The following TCEANC2 variants were observed in gnomAD, a reference collection of about 807,000 sequenced individuals.
TCEANC2 encodes transcription elongation factor A N-terminal and central domain-containing protein 2.
TCEANC2 carries 20 observed loss-of-function variants against 22.8 expected under a neutral mutation model. The observed-to-expected ratio is 0.88, with a 90% CI of 0.62 to 1.28. The LOEUF (loss-of-function observed/expected upper bound fraction) is 1.28. Ranked by LOEUF, TCEANC2 falls within the 50% of genes most tolerant of loss-of-function variation. The pLI, the probability that TCEANC2 is intolerant of heterozygous loss-of-function variation, is 0.00. For missense variants in TCEANC2, 251 were observed against 249.7 expected, an observed-to-expected ratio of 1.01 and a Z score of -0.03; for synonymous variants, 84 against 95.5, an observed-to-expected ratio of 0.88 and a Z score of 0.70.
rs115428812 is a variant in TCEANC2 at position 54,077,116 on chromosome 1, T to C, written c.244+8219T>C. Among the ~76,000 whole-genome samples, 316 of 152,166 alleles carry C rather than the reference T, an allele frequency of 2.1e-3. 1 individual carries two copies. Among genetic ancestry groups the C allele is most frequent in the African/African-American group, 7.4e-3 (308 of 41,500 alleles). ...ATGAAATAGCTCCTTAGAGAAACCT[T>C]ATCAGGGAGAACAGGCTGGATTTAG... is the stretch of plus-strand genomic sequence containing the variant. On this transcript the variant is annotated intron_variant, in intron 3 of 4. Coordinates refer to ENST00000234827, the MANE Select transcript of TCEANC2 (RefSeq NM_153035.3).
chr1:54,056,613 C>T (rs1394406809), intron 2 of TCEANC2, among the ~76,000 whole-genome samples: 5 of 152,260 alleles, frequency 3.3e-5, no homozygotes, highest in East Asian at 1.9e-4. Flanking sequence ...GCGTGAGCCA[C>T]GGCACCTGGC....
intron 2 of TCEANC2, among the ~76,000 whole-genome samples, chr1:54,061,414 C>T (rs536638885): frequency 1.3e-5 from 2 of 152,254 alleles, no homozygotes; most frequent in African/African-American, 4.8e-5. Flanking sequence ...ATAGTTTCCT[C>T]TTTTCATGTA....
chr1:54,111,737 G>A (rs1357366555), exon 5 of TCEANC2: 1 of 152,236 alleles, frequency 6.6e-6, no homozygotes, highest in African/African-American at 2.4e-5. Flanking sequence ...ATGGCTCAGA[G>A]AAGTTAAATG....
intron 2 of TCEANC2, among the ~76,000 whole-genome samples, chr1:54,057,734 C>T (rs990720302): frequency 6.6e-6 from 1 of 152,146 alleles, no homozygotes; most frequent in African/African-American, 2.4e-5. Context: ...TTTCTCATTA[C>T]CCATCAATAA....
chr1:54,083,220 G>A (rs553898741), intron 3 of TCEANC2, among the ~76,000 whole-genome samples: 1 of 152,256 alleles, frequency 6.6e-6, no homozygotes, highest in South Asian at 2.1e-4. Flanking sequence ...ATTTGGTCTC[G>A]TGCTCAGTGA....
intron 3 of TCEANC2, among the ~76,000 whole-genome samples, chr1:54,074,930 T>C (rs769163410): frequency 7.9e-5 from 12 of 152,158 alleles, no homozygotes; most frequent in East Asian, 5.8e-4. Flanking sequence ...TTTTTTAAGA[T>C]GGAAAAGGAT....
At chr1:54,069,037 A>ATC (rs1658008934) in intron 3 of TCEANC2, 140 bp downstream of exon 3, 1 of 980,974 alleles carries the variant, frequency 1.0e-6, no homozygotes, top group Admixed American at 4.2e-5. Flanking sequence ...TTGTTTAAAA[A>ATC]ATTATCTGTT....
intron 3 of TCEANC2, among the ~76,000 whole-genome samples, chr1:54,075,566 G>T (rs1364931244): frequency 6.6e-6 from 1 of 152,152 alleles, no homozygotes; most frequent in African/African-American, 2.4e-5. Flanking sequence ...TTTCAAGTGT[G>T]GATTTCTTAG....
intron 4 of TCEANC2, chr1:54,089,897 T>C (rs1400089906): frequency 8.3e-6 from 6 of 725,758 alleles, no homozygotes; most frequent in Admixed American, 7.7e-5. Flanking sequence ...GTCTCCAAGT[T>C]TGAAGCATTC....
At chr1:54,072,435 C>T (rs1047224012) in intron 3 of TCEANC2, among the ~76,000 whole-genome samples, 6 of 150,970 alleles carry the variant, frequency 4.0e-5, no homozygotes, top group African/African-American at 1.2e-4. Context: ...CTTGCTCTGT[C>T]GCCCAGGCTG....
intron 3 of TCEANC2, among the ~76,000 whole-genome samples, chr1:54,080,697 A>G (rs537064728): frequency 9.3e-4 from 141 of 152,308 alleles, no homozygotes; most frequent in Non-Finnish European, 1.6e-3. Flanking sequence ...TTCTATCCCA[A>G]TGCCTATGAG....
chr1:54,059,657 G>T (rs1379591358), intron 2 of TCEANC2, among the ~76,000 whole-genome samples: 1 of 152,140 alleles, frequency 6.6e-6, no homozygotes, highest in Non-Finnish European at 1.5e-5. Flanking sequence ...TATTGTAATT[G>T]TCTGATTACC....
intron 1 of TCEANC2, 121 bp from the exon 2 acceptor site, chr1:54,054,260 A>G (rs768671686): frequency 1.3e-5 from 19 of 1,447,030 alleles, no homozygotes; most frequent in East Asian, 5.1e-5. Flanking sequence ...CTTCCTGTCA[A>G]TTCCACTCGA....
chr1:54,082,684 G>C (rs1173761323), intron 3 of TCEANC2, among the ~76,000 whole-genome samples: 1 of 152,126 alleles, frequency 6.6e-6, no homozygotes. Context: ...TTAGTGTACA[G>C]AGGCAAAAGA....
At chr1:54,060,577 A>C (rs940910479) in intron 2 of TCEANC2, among the ~76,000 whole-genome samples, 1 of 151,948 alleles carries the variant, frequency 6.6e-6, no homozygotes, top group African/African-American at 2.4e-5. Flanking sequence ...TCAAAAATAA[A>C]ATAAAATAAT....
chr1:54,079,003 A>G, intron 3 of TCEANC2, among the ~76,000 whole-genome samples: 1 of 152,208 alleles, frequency 6.6e-6, no homozygotes, highest in East Asian at 1.9e-4. Context: ...CTGTGAGTGG[A>G]TACCTTTATT....
intron 3 of TCEANC2, among the ~76,000 whole-genome samples, chr1:54,085,906 T>A (rs1329578873): frequency 6.6e-6 from 1 of 152,034 alleles, no homozygotes; most frequent in Non-Finnish European, 1.5e-5. Flanking sequence ...GCTAATTTTT[T>A]AATTTTTTGT....
intron 2 of TCEANC2, 128 bp downstream of exon 2, chr1:54,054,652 A>C: frequency 1.1e-6 from 1 of 899,314 alleles, no homozygotes; most frequent in East Asian, 2.8e-5. Context: ...GTACCTGACC[A>C]CTCCTCCTTT....
chr1:54,055,464 A>G (rs544864128), intron 2 of TCEANC2, among the ~76,000 whole-genome samples: 2 of 152,254 alleles, frequency 1.3e-5, no homozygotes, highest in African/African-American at 2.4e-5. Context: ...TAAATTTCTG[A>G]CTTTTTCATT....
Sources: gnomAD v4.1 joint callset for allele counts (sites outside exome capture counted in the v4.1 genomes callset) on GRCh38, gnomAD v4.1.1 for gene constraint, MANE v1.5 for transcripts, NCBI Gene and HGNC (gene_info 2026-07-23, HGNC 2026-07-21) for gene names.